The following STAG1 variants were observed in gnomAD, a reference collection of about 807,000 sequenced individuals.
The protein encoded by STAG1 is cohesin subunit SA-1.
Under a neutral mutation model 170.9 loss-of-function variants are expected in STAG1, and 26 were observed. The observed-to-expected ratio is 0.15, with a 90% CI of 0.11 to 0.21. STAG1 has a LOEUF of 0.21. STAG1 is among the 10% of genes least tolerant of loss of function. The probability of loss-of-function intolerance (pLI) is 1.00; values close to 1 mark genes in which losing one functional copy is unlikely to be tolerated. For synonymous variants in STAG1, 514 were observed against 497.7 expected (o/e 1.03, Z -0.44); for missense variants, 964 against 1,509.5 (o/e 0.64, Z 5.99).
chr3:136,626,223 C>T (rs1202261228), intron 2 of STAG1, among the ~76,000 whole-genome samples: 11 of 152,196 alleles, frequency 7.2e-5, no homozygotes, highest in South Asian at 2.1e-4. Context: ...GTCAGAAGTT[C>T]GAGACCTACC....
chr3:136,499,787 G>A (rs527879672), intron 9 of STAG1: 1 of 151,294 alleles, frequency 6.6e-6, no homozygotes, highest in East Asian at 1.9e-4. Flanking sequence ...CTGCGGGGTT[G>A]CCCTTCTCTG....
intron 1 of STAG1, among the ~76,000 whole-genome samples, chr3:136,732,859 C>T (rs1316043899): frequency 2.6e-5 from 4 of 152,064 alleles, no homozygotes; most frequent in Non-Finnish European, 5.9e-5. Context: ...CCACCCACCT[C>T]GGCCTCCCAA....
At chr3:136,623,921 G>C (rs1397882478) in intron 2 of STAG1, among the ~76,000 whole-genome samples, 1 of 152,058 alleles carries the variant, frequency 6.6e-6, no homozygotes, top group Non-Finnish European at 1.5e-5. Context: ...CTGCACTCCA[G>C]CCTGGGCAAC....
intron 21 of STAG1, among the ~76,000 whole-genome samples, chr3:136,402,623 G>A (rs2087360102): frequency 6.6e-6 from 1 of 150,492 alleles, no homozygotes; most frequent in Non-Finnish European, 1.5e-5. Flanking sequence ...CTGAGGTCAG[G>A]AGTTCAAGAC....
rs139692140 is a variant in STAG1 at position 136,360,673 on chromosome 3, A to C, written c.2788-1377T>G. 5.9e-5 allele frequency among the ~76,000 whole-genome samples: 9 copies of C among 152,114 alleles called. No homozygotes were observed. In the East Asian group the frequency reaches 1.7e-3, roughly 29 times the overall value. On this transcript the variant is annotated intron_variant, in intron 26 of 33. Transcript: ENST00000383202. ...ATTTATTCATAGATAATTGTTTATA[A>C]ATTCTTTTTTTTTCCTGAGGAGTCT... is the stretch of plus-strand genomic sequence containing the variant.
At chr3:136,660,689 C>T (rs897175943) in intron 1 of STAG1, among the ~76,000 whole-genome samples, 5 of 151,638 alleles carry the variant, frequency 3.3e-5, no homozygotes, top group African/African-American at 7.3e-5. Flanking sequence ...TGGGGACTGG[C>T]GAGGCATGGT....
intron 1 of STAG1, among the ~76,000 whole-genome samples, chr3:136,731,541 A>G (rs1329274152): frequency 6.6e-6 from 1 of 152,234 alleles, no homozygotes; most frequent in Non-Finnish European, 1.5e-5. Flanking sequence ...CACTTAGATC[A>G]ACCCTGGATG....
At chr3:136,548,975 T>C (rs1021234309) in intron 5 of STAG1, among the ~76,000 whole-genome samples, 1 of 152,202 alleles carries the variant, frequency 6.6e-6, no homozygotes, top group South Asian at 2.1e-4. Context: ...TCCCTTCTAA[T>C]TCTGCCATGA....
chr3:136,488,103 T>C (rs368232528), intron 9 of STAG1, among the ~76,000 whole-genome samples: 113 of 152,290 alleles, frequency 7.4e-4, no homozygotes, highest in African/African-American at 2.3e-3. Flanking sequence ...TCCTGACCCA[T>C]AGAAATTATG....
At chr3:136,597,069 G>C (rs1321346950) in intron 4 of STAG1, among the ~76,000 whole-genome samples, 1 of 151,992 alleles carries the variant, frequency 6.6e-6, no homozygotes, top group Non-Finnish European at 1.5e-5. Context: ...GAGCGAGACT[G>C]TATCTTAAAA....
intron 3 of STAG1, among the ~76,000 whole-genome samples, chr3:136,609,912 AAAGAC>A (rs1355597653): frequency 6.6e-6 from 1 of 152,184 alleles, no homozygotes; most frequent in Admixed American, 6.6e-5. Flanking sequence ...TCATATCCTA[AAAGAC>A]AAAGCATATA....
intron 12 of STAG1, among the ~76,000 whole-genome samples, chr3:136,465,871 C>A (rs905066301): frequency 6.6e-6 from 1 of 152,068 alleles, no homozygotes; most frequent in Non-Finnish European, 1.5e-5. Context: ...CCTATAAGAC[C>A]TAATGGTATT....
intron 5 of STAG1, among the ~76,000 whole-genome samples, chr3:136,544,898 A>G (rs1051677233): frequency 3.3e-5 from 5 of 152,190 alleles, no homozygotes; most frequent in African/African-American, 1.2e-4. Context: ...GATGCTTTCT[A>G]AGTAATTGCT....
intron 1 of STAG1, among the ~76,000 whole-genome samples, chr3:136,687,553 G>C (rs1378674417): frequency 6.6e-6 from 1 of 151,830 alleles, no homozygotes; most frequent in South Asian, 2.1e-4. Flanking sequence ...CTGAATAGTT[G>C]CACTGGGAAC....
At chr3:136,402,993 C>A (rs967935227) in intron 21 of STAG1, among the ~76,000 whole-genome samples, 2 of 151,394 alleles carry the variant, frequency 1.3e-5, no homozygotes, top group African/African-American at 4.9e-5. Context: ...TTTGGGAGGC[C>A]GAGGTGAGTG....
At chr3:136,614,316 A>T (rs1441654713) in intron 3 of STAG1, among the ~76,000 whole-genome samples, 1 of 152,226 alleles carries the variant, frequency 6.6e-6, no homozygotes, top group Non-Finnish European at 1.5e-5. Flanking sequence ...AAGGAACACT[A>T]GTGTTTTATA....
intron 1 of STAG1, chr3:136,736,752 T>G (rs1238056426): frequency 6.2e-7 from 1 of 1,601,206 alleles, no homozygotes; most frequent in Non-Finnish European, 8.5e-7. Flanking sequence ...GCAAAGAGTT[T>G]CATTGTCTGT....
intron 9 of STAG1, among the ~76,000 whole-genome samples, chr3:136,492,545 T>C (rs963093014): frequency 1.3e-5 from 2 of 152,238 alleles, no homozygotes; most frequent in African/African-American, 2.4e-5. Flanking sequence ...AAAAACCAAA[T>C]TGCACAAAAT....
At chr3:136,439,312 G>A (rs2088559004) in intron 15 of STAG1, among the ~76,000 whole-genome samples, 1 of 150,858 alleles carries the variant, frequency 6.6e-6, no homozygotes, top group South Asian at 2.1e-4. Flanking sequence ...TGGTGGCAGA[G>A]CTGTTGACAA....
Sources: allele counts gnomAD v4.1 joint callset (sites outside exome capture counted in the v4.1 genomes callset), GRCh38; gene constraint gnomAD v4.1.1; transcripts MANE v1.5; gene names NCBI Gene and HGNC (gene_info 2026-07-23, HGNC 2026-07-21).